Variants in GCLC observed in about 807,000 individuals in gnomAD.
The protein encoded by GCLC is glutamate-cysteine ligase catalytic subunit.
Under a neutral mutation model 81.5 loss-of-function variants are expected in GCLC, and 30 were observed. The observed-to-expected ratio is 0.37, with a 90% CI of 0.28 to 0.50. The LOEUF is 0.50. GCLC is among the 20% of genes least tolerant of loss of function. The pLI is 0.96. For synonymous variants in GCLC, 262 were observed against 273.3 expected, an observed-to-expected ratio of 0.96 and a Z score of 0.41; for missense variants, 556 against 777.4, an observed-to-expected ratio of 0.72 and a Z score of 3.39.
At chr6:53,520,500 C>T (rs17886170) in intron 3 of GCLC, among the ~76,000 whole-genome samples, 2,178 of 152,326 alleles carry the variant, frequency 0.014, 24 homozygotes, top group Middle Eastern at 0.085. Flanking sequence ...GCGGCAGACA[C>T]GGCCACACTG....
Position 53,498,697 on chromosome 6 carries a change from T to G in GCLC, c.*59A>C, listed in dbSNP as rs1402048905. On this transcript the variant is annotated 3_prime_UTR_variant, in exon 16 of 16. Coordinates refer to ENST00000650454, the MANE Select transcript of GCLC (RefSeq NM_001498.4). ...CTTCATATTATACACACGGGCTGGC[T>G]GAGAGGCATGGTACTGTAGCCAGTT... is the stretch of plus-strand genomic sequence containing the variant. 1.0e-6 allele frequency: 1 copy of G among 1,002,748 alleles called. No homozygotes were observed. Among genetic ancestry groups the G allele is most frequent in the Non-Finnish European group, 1.6e-6 (1 of 632,134 alleles). 62.1% of individuals were successfully genotyped at this position (1,002,748 alleles called of 1,614,324 possible). A position where few individuals can be genotyped will look rare whatever the true frequency, so the allele number is the denominator to read the frequency against.
chr6:53,505,711 A>G, intron 11 of GCLC, 92 bp downstream of exon 11: 4 of 837,066 alleles, frequency 4.8e-6, no homozygotes, highest in South Asian at 1.3e-5. Flanking sequence ...TATTTTATAT[A>G]TAAGAGCCTT....
chr6:53,504,254 T>G (rs574246441), intron 12 of GCLC, among the ~76,000 whole-genome samples: 1 of 152,180 alleles, frequency 6.6e-6, no homozygotes, highest in East Asian at 1.9e-4. Flanking sequence ...TCTGGCAATG[T>G]TGTCGGGGCT....
chr6:53,507,225 A>T, intron 9 of GCLC, 200 bp from the exon 10 acceptor site: 1 of 660,974 alleles, frequency 1.5e-6, no homozygotes, highest in Admixed American at 2.4e-5. Context: ...TTTATTCACT[A>T]CTTACACAAT....
At chr6:53,526,460 T>C (rs914331207) in intron 1 of GCLC, among the ~76,000 whole-genome samples, 1 of 152,206 alleles carries the variant, frequency 6.6e-6, no homozygotes, top group African/African-American at 2.4e-5. Context: ...TTAAAAACTT[T>C]TGATACTCTA....
chr6:53,513,857 C>T (rs897615754), intron 6 of GCLC: 2 of 259,708 alleles, frequency 7.7e-6, no homozygotes, highest in Non-Finnish European at 1.5e-5. Flanking sequence ...AATATTTAAA[C>T]CACCTCACTA....
intron 1 of GCLC, among the ~76,000 whole-genome samples, chr6:53,542,836 C>T (rs1357107432): frequency 6.6e-6 from 1 of 151,986 alleles, no homozygotes; most frequent in Non-Finnish European, 1.5e-5. Flanking sequence ...TGGTGAAACC[C>T]TATCTCTACT....
In GCLC at chr6:53,507,020, C is replaced by A. The variant is rs1169539026; in HGVS notation, c.1090G>T (p.Asp364Tyr). ...IYEQLLQEGI[D>Y]HLLAQHVAHL... ...GCAACATGCTGGGCCAGGAGATGAT[C>A]AATGCCTGCAAAAAGAGATCACATG... The change falls in exon 10 of 16, where the codon GAT (aspartate) becomes TAT (tyrosine). Residue 364 changes from aspartate (D) to tyrosine (Y), a missense_variant. Asp to Tyr is a radical substitution (Grantham distance 160). Transcript: ENST00000650454. 1 of 1,567,682 alleles carries A rather than the reference C, an allele frequency of 6.4e-7. No individual in the cohort carries two copies. The highest frequency in any genetic ancestry group is 2.2e-5 in the East Asian group (1 of 44,656).
At chr6:53,512,269 T>G (rs1309229489) in intron 6 of GCLC, among the ~76,000 whole-genome samples, 1 of 152,132 alleles carries the variant, frequency 6.6e-6, no homozygotes, top group African/African-American at 2.4e-5. Context: ...TTTTAAGTGA[T>G]TCCTGAAAAG....
At position 53,498,680 on chromosome 6, in the gene GCLC, T is replaced by G. The variant is rs141025511; in HGVS notation, c.*76A>C. The G allele has an allele frequency of 1.1e-6, 1 of 892,432 alleles. No individual in the cohort carries two copies. The highest frequency in any genetic ancestry group is 1.8e-6 in the Non-Finnish European group (1 of 553,006). The allele number at this position is 892,432 out of a possible 1,614,324, so 55.3% of individuals were successfully genotyped here. A position where few individuals can be genotyped will look rare whatever the true frequency, so the allele number is the denominator to read the frequency against. ...CAGTTCTATCATTTGGTCTTCATAT[T>G]ATACACACGGGCTGGCTGAGAGGCA... On this transcript the variant is annotated 3_prime_UTR_variant, in exon 16 of 16. Coordinates refer to ENST00000650454, the MANE Select transcript of GCLC (RefSeq NM_001498.4).
At chr6:53,509,705 G>T in intron 6 of GCLC, 1 of 209,410 alleles carries the variant, frequency 4.8e-6, no homozygotes. Context: ...CTGGGGTGCA[G>T]TGGCGCGCTC....
At chr6:53,532,029 A>T (rs999240530) in intron 1 of GCLC, among the ~76,000 whole-genome samples, 1 of 152,240 alleles carries the variant, frequency 6.6e-6, no homozygotes, top group Admixed American at 6.5e-5. Flanking sequence ...TTTTATTGAA[A>T]TTAATTTTCT....
At chr6:53,507,740 A>G (rs1443209236) in intron 8 of GCLC, 122 bp from the exon 9 acceptor site, 31 of 448,830 alleles carry the variant, frequency 6.9e-5, no homozygotes, top group Non-Finnish European at 1.1e-4. Context: ...GTGAGCCCTA[A>G]AAAGTATTAT....
chr6:53,524,062 G>A (rs1008886434), intron 1 of GCLC: 12 of 152,154 alleles, frequency 7.9e-5, no homozygotes, highest in Admixed American at 3.3e-4. Flanking sequence ...CTAAAACCTG[G>A]AAACAGAAAA....
chr6:53,544,657 C>CCTCCTT lies in GCLC; in HGVS notation c.-13_-12insAAGGAG, dbSNP rs761211884. The CCTCCTT allele has an allele frequency of 2.7e-5, 42 of 1,566,246 alleles. No individual in the cohort carries two copies. Among genetic ancestry groups the CCTCCTT allele is most frequent in the Non-Finnish European group, 3.6e-5 (42 of 1,163,290 alleles). ...GACAGCAGCCCCATGGCCGCCCCCT[C>CCTCCTT]CTCCTCCTCCTCCTCCTCCGGGCTG... On this transcript the variant is annotated 5_prime_UTR_variant, in exon 1 of 16. Transcript: ENST00000650454.
At chr6:53,520,682 GAGGATTGTA>G (rs1211300246) in intron 3 of GCLC, 87 bp downstream of exon 3, 2 of 960,160 alleles carry the variant, frequency 2.1e-6, no homozygotes, top group Non-Finnish European at 3.4e-6. Context: ...TGTAACGTAT[GAGGATTGTA>G]AGGTGGAATG....
At chr6:53,541,613 G>C (rs73741303) in intron 1 of GCLC, among the ~76,000 whole-genome samples, 4,812 of 152,180 alleles carry the variant, frequency 0.032, 254 homozygotes, top group African/African-American at 0.11. Flanking sequence ...TAGTAGGGTG[G>C]GGGGGCGGTG....
At position 53,514,343 on chromosome 6, in the gene GCLC, T is replaced by G. The variant is rs773127625; in HGVS notation, c.620-6A>C. On this transcript the variant is annotated splice_polypyrimidine_tract_variant and splice_region_variant and intron_variant, in intron 5 of 15. Coordinates refer to ENST00000650454, the MANE Select transcript of GCLC (RefSeq NM_001498.4). ...TGTATTCTTGTCCTTAAATACTGTA[T>G]TATAAAAATACAAAAATAAAAATGG... 9 of 1,589,152 alleles carry G rather than the reference T, an allele frequency of 5.7e-6. No individual in the cohort carries two copies. The highest frequency in any genetic ancestry group is 6.9e-6 in the Non-Finnish European group (8 of 1,157,482).
Position 53,498,370 on chromosome 6 carries a change from C to A in GCLC, c.*386G>T. On this transcript the variant is annotated 3_prime_UTR_variant, in exon 16 of 16. Coordinates refer to ENST00000650454, the MANE Select transcript of GCLC (RefSeq NM_001498.4). Reference sequence around the variant, plus strand: ...GAGAAAAATTTCAATAAATCAGGTCCCAGGTAGTCTTTAAAAGAACAAAAA... The same window carrying A: ...GAGAAAAATTTCAATAAATCAGGTCACAGGTAGTCTTTAAAAGAACAAAAA... 1.1e-5 allele frequency: 2 copies of A among 187,280 alleles called. No homozygotes were observed. Among genetic ancestry groups the A allele is most frequent in the Admixed American group, 5.6e-5 (1 of 17,956 alleles). The allele number at this position is 187,280 out of a possible 1,614,324, so 11.6% of individuals were successfully genotyped here.
Sources: allele counts gnomAD v4.1 joint callset (sites outside exome capture counted in the v4.1 genomes callset), GRCh38; gene constraint gnomAD v4.1.1; transcripts MANE v1.5; gene names NCBI Gene and HGNC (gene_info 2026-07-23, HGNC 2026-07-21).